Variants in GLDC observed in about 807,000 individuals in gnomAD.
GLDC encodes glycine dehydrogenase (decarboxylating), mitochondrial.
Under a neutral mutation model 121.3 loss-of-function variants are expected in GLDC, and 104 were observed. The observed-to-expected ratio is 0.86, with a 90% CI of 0.73 to 1.01. The LOEUF (loss-of-function observed/expected upper bound fraction) is 1.01, where lower values mean the gene tolerates loss of function less well. GLDC is among the 50% of genes least tolerant of loss of function. GLDC has a pLI of 0.00. For synonymous variants in GLDC, 546 were observed against 480.6 expected, an observed-to-expected ratio of 1.14 and a Z score of -1.78; for missense variants, 1,429 against 1,306.6, an observed-to-expected ratio of 1.09 and a Z score of -1.44.
At chr9:6,640,982 G>A (rs1043845514) in intron 2 of GLDC, among the ~76,000 whole-genome samples, 2 of 152,194 alleles carry the variant, frequency 1.3e-5, no homozygotes, top group Admixed American at 1.3e-4. Flanking sequence ...AGTGCGTGTG[G>A]ATGGGGAATG....
Position 6,555,943 on chromosome 9 carries a change from G to C in GLDC, c.2202+210C>G, listed in dbSNP as rs138206722. On this transcript the variant is annotated intron_variant, in intron 18 of 24. Transcript: ENST00000321612. Reference sequence around the variant, plus strand: ...CTCTGTCCCCCAAGTAATCAGGATTGGGCCCTTTGAGCCCCCATTTCACAG... The same window carrying C: ...CTCTGTCCCCCAAGTAATCAGGATTCGGCCCTTTGAGCCCCCATTTCACAG... Among the ~76,000 whole-genome samples, 579 of 152,314 alleles carry C rather than the reference G, an allele frequency of 3.8e-3. 2 individuals are homozygous for C. Among genetic ancestry groups the C allele is most frequent in the Non-Finnish European group, 6.2e-3 (422 of 68,034 alleles).
At chr9:6,639,028 A>G in intron 2 of GLDC, 1 of 529,888 alleles carries the variant, frequency 1.9e-6, no homozygotes, top group Non-Finnish European at 3.4e-6. Context: ...AAAAAAGTAT[A>G]TCCTCAGAGT....
chr9:6,577,166 C>T (rs970555466), intron 15 of GLDC, among the ~76,000 whole-genome samples: 15 of 152,210 alleles, frequency 9.9e-5, no homozygotes, highest in East Asian at 9.6e-4. Context: ...GAGCCAGCAG[C>T]GCCACACGCA....
chr9:6,621,138 C>T (rs1819084764), intron 2 of GLDC, among the ~76,000 whole-genome samples: 1 of 152,168 alleles, frequency 6.6e-6, no homozygotes, highest in South Asian at 2.1e-4. Context: ...CCGCTGCACT[C>T]AAACCTGAGT....
intron 2 of GLDC, among the ~76,000 whole-genome samples, chr9:6,622,044 A>G (rs1819107025): frequency 6.6e-6 from 1 of 152,088 alleles, no homozygotes; most frequent in South Asian, 2.1e-4. Flanking sequence ...AAGACAGCAA[A>G]CTGGCAAGGA....
intron 3 of GLDC, among the ~76,000 whole-genome samples, chr9:6,617,337 C>T (rs528009738): frequency 2.6e-5 from 4 of 152,176 alleles, no homozygotes; most frequent in East Asian, 1.9e-4. Context: ...GCTGCTCCTA[C>T]GGTAAATTAA....
chr9:6,572,006 A>T (rs930919198), intron 15 of GLDC, among the ~76,000 whole-genome samples: 1 of 152,242 alleles, frequency 6.6e-6, no homozygotes, highest in East Asian at 1.9e-4. Context: ...CATAGGCACA[A>T]TCTAAGTCTC....
intron 8 of GLDC, among the ~76,000 whole-genome samples, chr9:6,598,255 T>G (rs187644207): frequency 6.6e-6 from 1 of 152,278 alleles, no homozygotes; most frequent in Admixed American, 6.5e-5. Flanking sequence ...GGATTTAAAC[T>G]GCTGAACTCA....
intron 4 of GLDC, among the ~76,000 whole-genome samples, chr9:6,606,983 A>T (rs1027582792): frequency 2.6e-5 from 4 of 152,128 alleles, no homozygotes; most frequent in Non-Finnish European, 5.9e-5. Flanking sequence ...GAATCACTTG[A>T]ACCAGGGAGG....
At chr9:6,617,480 G>A (rs1818988680) in intron 3 of GLDC, among the ~76,000 whole-genome samples, 1 of 152,106 alleles carries the variant, frequency 6.6e-6, no homozygotes, top group African/African-American at 2.4e-5. Flanking sequence ...TCTTAAGGGG[G>A]AAGAGAAACA....
chr9:6,634,721 G>C (rs924703238), intron 2 of GLDC, among the ~76,000 whole-genome samples: 1 of 152,130 alleles, frequency 6.6e-6, no homozygotes, highest in Admixed American at 6.5e-5. Context: ...AACTCTCTTA[G>C]ATCTGTTCTG....
chr9:6,555,032 A>T, intron 18 of GLDC: 1 of 559,896 alleles, frequency 1.8e-6, no homozygotes, highest in South Asian at 2.0e-5. Context: ...AGATTTAAAA[A>T]TATGGATTTG....
intron 2 of GLDC, chr9:6,639,264 C>G: frequency 1.1e-6 from 1 of 900,070 alleles, no homozygotes; most frequent in Non-Finnish European, 1.8e-6. Flanking sequence ...AGAAGATCCG[C>G]ACATCACCCA....
chr9:6,593,872 T>C (rs1324367338), intron 9 of GLDC, among the ~76,000 whole-genome samples: 1 of 151,870 alleles, frequency 6.6e-6, no homozygotes, highest in African/African-American at 2.4e-5. Flanking sequence ...TTTGTATTTT[T>C]AGTAGAGACA....
intron 15 of GLDC, among the ~76,000 whole-genome samples, chr9:6,574,885 A>G (rs1818033940): frequency 1.3e-5 from 2 of 152,128 alleles, no homozygotes; most frequent in African/African-American, 4.8e-5. Context: ...GACGGCAAAT[A>G]GTGGGCTTTT....
chr9:6,573,915 G>T (rs1261845509), intron 15 of GLDC, among the ~76,000 whole-genome samples: 1 of 152,062 alleles, frequency 6.6e-6, no homozygotes, highest in African/African-American at 2.4e-5. Context: ...CCTTGCAAAC[G>T]GTATGATTTT....
intron 11 of GLDC, chr9:6,591,885 C>T: frequency 2.5e-6 from 1 of 402,998 alleles, no homozygotes; most frequent in South Asian, 2.6e-5. Flanking sequence ...GCCACCATCC[C>T]CAGCCTAGAG....
chr9:6,552,011 A>G (rs1442304321), intron 20 of GLDC, among the ~76,000 whole-genome samples: 1 of 152,158 alleles, frequency 6.6e-6, no homozygotes, highest in Non-Finnish European at 1.5e-5. Context: ...ATTCTGAAAG[A>G]ATCCCCTAAG....
At chr9:6,566,455 G>A (rs1310802788) in intron 15 of GLDC, 1 of 152,110 alleles carries the variant, frequency 6.6e-6, no homozygotes, top group East Asian at 1.9e-4. Context: ...GGCCTGATCA[G>A]CCCCAAAAGA....
Sources: gnomAD v4.1 joint callset for allele counts (sites outside exome capture counted in the v4.1 genomes callset) on GRCh38, gnomAD v4.1.1 for gene constraint, MANE v1.5 for transcripts, NCBI Gene and HGNC (gene_info 2026-07-23, HGNC 2026-07-21) for gene names.